PRMT3: variants seen among roughly 807,000 people sequenced by gnomAD.
PRMT3 encodes the protein protein arginine N-methyltransferase 3.
PRMT3 carries 62 observed loss-of-function variants against 71.9 expected under a neutral mutation model. The observed-to-expected ratio is 0.86, with a 90% confidence interval of 0.70 to 1.07. The LOEUF (loss-of-function observed/expected upper bound fraction) is 1.07. PRMT3 is among the 50% of genes least tolerant of loss of function. The probability of loss-of-function intolerance (pLI) is 0.00; values close to 1 mark genes in which losing one functional copy is unlikely to be tolerated. For synonymous variants in PRMT3, 213 were observed against 220.4 expected (o/e 0.97, Z 0.30); for missense variants, 663 against 643.0 (o/e 1.03, Z -0.34).
At chr11:20,473,306 T>C (rs781498370) in intron 13 of PRMT3, among the ~76,000 whole-genome samples, 2 of 152,160 alleles carry the variant, frequency 1.3e-5, no homozygotes, top group African/African-American at 4.8e-5. Context: ...TCTCTAGTGC[T>C]TTTAGTTGTG....
chr11:20,427,363 A>G lies in PRMT3; in HGVS notation c.993+498A>G, dbSNP rs1263244047. Among the ~76,000 whole-genome samples the G allele has an allele frequency of 3.3e-5, 5 of 152,342 alleles. No individual in the cohort carries two copies. The South Asian group carries it at 1.0e-3, about 32-fold the overall frequency. ...AAATATTAAAAGGAAGGTATGTTAC[A>G]TAGCTTTATAATTTGCTGTTGAAAT... On this transcript the variant is annotated intron_variant, in intron 10 of 15. Transcript: ENST00000331079.
At chr11:20,415,739 T>G (rs1405704443) in intron 9 of PRMT3, among the ~76,000 whole-genome samples, 1 of 152,186 alleles carries the variant, frequency 6.6e-6, no homozygotes. Flanking sequence ...TGATGAATCT[T>G]CATGTTTACT....
intron 4 of PRMT3, 112 bp from the exon 5 acceptor site, chr11:20,392,785 A>C: frequency 1.4e-6 from 1 of 704,414 alleles, no homozygotes. Context: ...AGACATACTG[A>C]CTTTGTGTAA....
intron 3 of PRMT3, 145 bp downstream of exon 3, chr11:20,389,971 C>T (rs959800829): frequency 3.6e-6 from 2 of 562,250 alleles, no homozygotes; most frequent in Non-Finnish European, 6.4e-6. Context: ...GGCCAACATG[C>T]TGAAACCCCA....
chr11:20,411,403 G>A (rs1449193184), intron 9 of PRMT3, among the ~76,000 whole-genome samples: 1 of 152,084 alleles, frequency 6.6e-6, no homozygotes, highest in African/African-American at 2.4e-5. Flanking sequence ...AGTCTTTGCT[G>A]TGTCAAATAT....
intron 10 of PRMT3, among the ~76,000 whole-genome samples, chr11:20,434,717 C>T (rs759869318): frequency 7.2e-5 from 11 of 152,032 alleles, no homozygotes; most frequent in East Asian, 5.8e-4. Context: ...TTTCTGGGTC[C>T]GCTGTTCTGT....
At chr11:20,393,660 A>G (rs1848765151) in intron 5 of PRMT3, 2 of 152,150 alleles carry the variant, frequency 1.3e-5, no homozygotes, top group South Asian at 2.1e-4. Context: ...TGTTCTAGCA[A>G]ATTGTAGTTA....
At chr11:20,475,322 A>G (rs951661189) in intron 13 of PRMT3, among the ~76,000 whole-genome samples, 10 of 151,878 alleles carry the variant, frequency 6.6e-5, no homozygotes, top group African/African-American at 2.2e-4. Flanking sequence ...TCATCACCCC[A>G]CCCTGCTTTT....
At chr11:20,483,854 C>T (rs974846627) in intron 13 of PRMT3, among the ~76,000 whole-genome samples, 1 of 152,154 alleles carries the variant, frequency 6.6e-6, no homozygotes, top group Non-Finnish European at 1.5e-5. Context: ...TTCTTGAAAG[C>T]CTTTCTAATA....
chr11:20,471,050 G>A (rs1336930635), intron 13 of PRMT3, among the ~76,000 whole-genome samples: 1 of 150,364 alleles, frequency 6.7e-6, no homozygotes, highest in Non-Finnish European at 1.5e-5. Context: ...TGTTCCTGTT[G>A]TTTGCCCACT....
At chr11:20,500,218 G>C (rs569450521) in intron 15 of PRMT3, among the ~76,000 whole-genome samples, 1 of 152,140 alleles carries the variant, frequency 6.6e-6, no homozygotes, top group Non-Finnish European at 1.5e-5. Context: ...TGCAAAACTT[G>C]TATATTTAAA....
intron 15 of PRMT3, among the ~76,000 whole-genome samples, chr11:20,495,200 G>C (rs1305758409): frequency 6.6e-6 from 1 of 152,102 alleles, no homozygotes; most frequent in African/African-American, 2.4e-5. Flanking sequence ...ATTTTTAGTA[G>C]AGATGGGGTT....
intron 11 of PRMT3, among the ~76,000 whole-genome samples, chr11:20,455,846 G>GT (rs1850256514): frequency 6.7e-6 from 1 of 149,842 alleles, no homozygotes; most frequent in Non-Finnish European, 1.5e-5. Context: ...AGACAATTGT[G>GT]TAAAAAAAAA....
At chr11:20,479,162 A>G (rs1183091999) in intron 13 of PRMT3, among the ~76,000 whole-genome samples, 11 of 152,132 alleles carry the variant, frequency 7.2e-5, no homozygotes, top group Admixed American at 5.9e-4. Flanking sequence ...GTGAATGACC[A>G]TGTGGTCTAA....
intron 10 of PRMT3, among the ~76,000 whole-genome samples, chr11:20,436,026 G>A: frequency 6.6e-6 from 1 of 152,102 alleles, no homozygotes; most frequent in East Asian, 1.9e-4. Context: ...TCATTGTAGA[G>A]ATCTTTCAAC....
intron 13 of PRMT3, among the ~76,000 whole-genome samples, chr11:20,490,239 A>G (rs569055050): frequency 6.6e-6 from 1 of 152,184 alleles, no homozygotes; most frequent in Non-Finnish European, 1.5e-5. Flanking sequence ...ACCAAACCTC[A>G]TTAGAAATGT....
chr11:20,422,029 T>G (rs1353778283), intron 9 of PRMT3, among the ~76,000 whole-genome samples: 1 of 152,058 alleles, frequency 6.6e-6, no homozygotes, highest in African/African-American at 2.4e-5. Context: ...GTATGGCAGT[T>G]ACCCCTCTTG....
chr11:20,408,888 G>A (rs11025552), intron 9 of PRMT3, among the ~76,000 whole-genome samples: 6,927 of 152,080 alleles, frequency 0.046, 267 homozygotes, highest in East Asian at 0.2. Context: ...GAGCCCAGGA[G>A]TTCAAGGCCA....
intron 6 of PRMT3, 145 bp from the exon 7 acceptor site, chr11:20,397,432 A>C: frequency 1.4e-6 from 1 of 737,596 alleles, no homozygotes; most frequent in South Asian, 1.9e-5. Context: ...CAGCAGGGGG[A>C]GCTTTCAGTT....
Sources: gnomAD v4.1 joint callset for allele counts (sites outside exome capture counted in the v4.1 genomes callset) on GRCh38, gnomAD v4.1.1 for gene constraint, MANE v1.5 for transcripts, NCBI Gene and HGNC (gene_info 2026-07-23, HGNC 2026-07-21) for gene names.